The following FAM13A variants were observed in gnomAD, a reference collection of about 807,000 sequenced individuals.
FAM13A encodes the protein protein FAM13A.
FAM13A carries 76 observed loss-of-function variants against 129.6 expected under a neutral mutation model. The ratio of observed to expected loss-of-function variants is 0.59; its 90% CI spans 0.49 to 0.71. The LOEUF (loss-of-function observed/expected upper bound fraction) is 0.71, where lower values mean the gene tolerates loss of function less well. FAM13A is among the 30% of genes least tolerant of loss of function. FAM13A has a pLI of 0.00. For synonymous variants in FAM13A, 443 were observed against 449.9 expected, an observed-to-expected ratio of 0.98 and a Z score of 0.20; for missense variants, 1,108 against 1,249.3, an observed-to-expected ratio of 0.89 and a Z score of 1.70.
intron 19 of FAM13A, among the ~76,000 whole-genome samples, chr4:88,745,860 T>C (rs1408240147): frequency 2.6e-5 from 4 of 152,102 alleles, no homozygotes; most frequent in Non-Finnish European, 2.9e-5. Flanking sequence ...CATTTTTTTT[T>C]TTTTTTTACA....
chr4:88,781,486 C>T, intron 10 of FAM13A, 135 bp from the exon 11 acceptor site: 1 of 551,690 alleles, frequency 1.8e-6, no homozygotes, highest in Non-Finnish European at 3.1e-6. Flanking sequence ...TGATCAAAAT[C>T]TGAGCAGAGT....
chr4:88,891,878 CAG>C (rs1745379285), intron 6 of FAM13A, among the ~76,000 whole-genome samples: 1 of 152,086 alleles, frequency 6.6e-6, no homozygotes. Flanking sequence ...TAAAGGAAAA[CAG>C]ATATAAAAAC....
rs528086077 is a variant in FAM13A, at chr4:88,876,566, T to C, written c.844-25383A>G. Among the ~76,000 whole-genome samples, 15 of 152,266 alleles carry C rather than the reference T, an allele frequency of 9.9e-5. No homozygotes were observed. The South Asian group carries it at 3.1e-3, about 32-fold the overall frequency. On this transcript the variant is annotated intron_variant, in intron 6 of 23. Coordinates refer to ENST00000264344, the MANE Select transcript of FAM13A (RefSeq NM_014883.4). ...TAGGATCATAGTCAGATTTGTCTTC[T>C]TAATATACACCTACCCCCTGGTCAC...
intron 4 of FAM13A, among the ~76,000 whole-genome samples, chr4:88,987,962 C>G (rs1317685629): frequency 2.0e-5 from 3 of 151,196 alleles, no homozygotes; most frequent in Admixed American, 1.3e-4. Flanking sequence ...CAAATCCACA[C>G]TGCACAATAT....
At chr4:88,764,878 CT>C (rs1745444965) in intron 13 of FAM13A, among the ~76,000 whole-genome samples, 1 of 152,144 alleles carries the variant, frequency 6.6e-6, no homozygotes, top group Admixed American at 6.5e-5. Context: ...ATAAGGAACT[CT>C]CATGAAATAG....
intron 10 of FAM13A, among the ~76,000 whole-genome samples, chr4:88,786,226 C>T (rs1312166589): frequency 2.0e-5 from 3 of 152,168 alleles, no homozygotes. Context: ...CCATCACTCT[C>T]TGTTCTCTCT....
chr4:88,779,596 A>G (rs1177505559), intron 11 of FAM13A, among the ~76,000 whole-genome samples: 5 of 152,312 alleles, frequency 3.3e-5, no homozygotes, highest in African/African-American at 1.2e-4. Flanking sequence ...CACTGAGTTC[A>G]TATGTGACAT....
chr4:88,898,583 CTT>C (rs1746737489), intron 6 of FAM13A, among the ~76,000 whole-genome samples: 1 of 151,994 alleles, frequency 6.6e-6, no homozygotes, highest in Non-Finnish European at 1.5e-5. Flanking sequence ...CAATGCTGCT[CTT>C]GAATTGTCTT....
At chr4:88,732,873 G>A (rs1191413155) in intron 21 of FAM13A, among the ~76,000 whole-genome samples, 2 of 150,296 alleles carry the variant, frequency 1.3e-5, no homozygotes, top group African/African-American at 2.5e-5. Flanking sequence ...TGATATTCTC[G>A]GTCTGTATTG....
intron 6 of FAM13A, among the ~76,000 whole-genome samples, chr4:88,871,125 C>CA: frequency 6.6e-6 from 1 of 152,244 alleles, no homozygotes; most frequent in South Asian, 2.1e-4. Context: ...ACATCCACAC[C>CA]AAAACCCCAT....
At chr4:88,995,861 A>C (rs1763475212) in intron 3 of FAM13A, among the ~76,000 whole-genome samples, 1 of 152,246 alleles carries the variant, frequency 6.6e-6, no homozygotes, top group Non-Finnish European at 1.5e-5. Flanking sequence ...AGGGGAAGAC[A>C]GACAATTAAA....
At chr4:89,045,095 A>G (rs1439549302) in intron 1 of FAM13A, among the ~76,000 whole-genome samples, 1 of 152,194 alleles carries the variant, frequency 6.6e-6, no homozygotes, top group Non-Finnish European at 1.5e-5. Flanking sequence ...ATATTTTATC[A>G]CAATAAAAAA....
intron 7 of FAM13A, among the ~76,000 whole-genome samples, chr4:88,836,969 A>T (rs991647105): frequency 2.0e-5 from 3 of 151,980 alleles, no homozygotes; most frequent in Non-Finnish European, 2.9e-5. Flanking sequence ...CAAGAAAAAA[A>T]AAAATTATGT....
At position 88,736,002 on chromosome 4, in the gene FAM13A, C is replaced by T. The variant is rs749761551; in HGVS notation, c.2646+1470G>A. Among the ~76,000 whole-genome samples, 111 of 152,126 alleles carry T rather than the reference C, an allele frequency of 7.3e-4. No homozygotes were observed. The Middle Eastern group carries it at 0.01, about 14-fold the overall frequency. On this transcript the variant is annotated intron_variant, in intron 21 of 23. Transcript: ENST00000264344. ...TCAAGAACACATTTTTATCTAGTAACGGTTCTATTGCATGCTGCTAAGAGA... is the reference window on the plus strand; with the variant it reads ...TCAAGAACACATTTTTATCTAGTAATGGTTCTATTGCATGCTGCTAAGAGA...
chr4:88,872,683 T>C (rs1384342677), intron 6 of FAM13A, among the ~76,000 whole-genome samples: 2 of 152,106 alleles, frequency 1.3e-5, no homozygotes, highest in Admixed American at 6.5e-5. Flanking sequence ...CACACAATAA[T>C]AATGGGAGAG....
intron 7 of FAM13A, among the ~76,000 whole-genome samples, chr4:88,841,989 T>G (rs1049708796): frequency 4.6e-5 from 7 of 152,152 alleles, no homozygotes; most frequent in African/African-American, 1.7e-4. Flanking sequence ...AGCCAAAAAG[T>G]AGATCCAACC....
chr4:88,980,807 A>T (rs1414684572), intron 4 of FAM13A, among the ~76,000 whole-genome samples: 1 of 152,206 alleles, frequency 6.6e-6, no homozygotes, highest in Non-Finnish European at 1.5e-5. Flanking sequence ...TGACAGCAAC[A>T]TTATAATATC....
Position 88,881,255 on chromosome 4 carries a change from G to A in FAM13A, c.843+25124C>T, listed in dbSNP as rs576156246. Among the ~76,000 whole-genome samples the A allele has an allele frequency of 3.3e-5, 5 of 152,250 alleles. No homozygotes were observed. The East Asian group carries it at 9.7e-4, about 29-fold the overall frequency. Reference sequence around the variant, plus strand: ...CTCCTGCTACTTTCACTTAAGTGGGGGCTCGTATCCATGTCTGAGAGACCT... The same window carrying A: ...CTCCTGCTACTTTCACTTAAGTGGGAGCTCGTATCCATGTCTGAGAGACCT... On this transcript the variant is annotated intron_variant, in intron 6 of 23. Transcript: ENST00000264344.
At chr4:88,970,802 AC>A (rs1334957977) in intron 4 of FAM13A, among the ~76,000 whole-genome samples, 7 of 152,192 alleles carry the variant, frequency 4.6e-5, no homozygotes, top group African/African-American at 1.7e-4. Flanking sequence ...TAGAAAATGA[AC>A]CAAAAAATAA....
Sources: allele counts gnomAD v4.1 joint callset (sites outside exome capture counted in the v4.1 genomes callset), GRCh38; gene constraint gnomAD v4.1.1; transcripts MANE v1.5; gene names NCBI Gene and HGNC (gene_info 2026-07-23, HGNC 2026-07-21).